The following SNTB1 variants were observed in gnomAD, a reference collection of about 807,000 sequenced individuals.
The protein encoded by SNTB1 is syntrophin beta 1, also known as beta-1-syntrophin.
Under a neutral mutation model 48.9 loss-of-function variants are expected in SNTB1, and 36 were observed. The ratio of observed to expected loss-of-function variants is 0.74; its 90% CI spans 0.56 to 0.97. The LOEUF (loss-of-function observed/expected upper bound fraction) is 0.97. SNTB1 is among the 50% of genes least tolerant of loss of function. The pLI, the probability that SNTB1 is intolerant of heterozygous loss-of-function variation, is 0.00. For missense variants in SNTB1, 786 were observed against 703.4 expected, an observed-to-expected ratio of 1.12 and a Z score of -1.33; for synonymous variants, 299 against 294.6, an observed-to-expected ratio of 1.01 and a Z score of -0.15.
At chr8:120,736,982 T>C (rs768580687) in intron 1 of SNTB1, among the ~76,000 whole-genome samples, 2 of 152,190 alleles carry the variant, frequency 1.3e-5, no homozygotes, top group Non-Finnish European at 2.9e-5. Flanking sequence ...GTTTGTAACA[T>C]GGAATTTAAA....
Position 120,632,599 on chromosome 8 carries a change from T to C in SNTB1, c.841A>G (p.Lys281Glu), listed in dbSNP as rs1435308205. The stretch of plus-strand genomic sequence containing the variant: ...CATGCCTGGGCCGTGGCTGAGTCCT[T>C]GCTCCTTAGGATCACCGTGTGCTTA... Reference protein sequence around the residue: ...DAKHTVILRSKDSATAQAWFS... With the variant: ...DAKHTVILRSEDSATAQAWFS... Residue 281 changes from lysine to glutamate, a missense_variant, in exon 3 of 7, where the codon AAG becomes GAG. Coordinates refer to ENST00000517992, the MANE Select transcript of SNTB1 (RefSeq NM_021021.4). 13 of 1,614,056 alleles carry C rather than the reference T, an allele frequency of 8.1e-6. No homozygotes were observed. Among genetic ancestry groups the C allele is most frequent in the African/African-American group, 2.7e-5 (2 of 74,924 alleles).
chr8:120,636,237 T>C (rs1041235963), intron 2 of SNTB1, among the ~76,000 whole-genome samples: 7 of 152,106 alleles, frequency 4.6e-5, no homozygotes, highest in South Asian at 2.1e-4. Context: ...TCTTCTTCTT[T>C]TTTTTTATTT....
chr8:120,695,726 T>G (rs1818201073), intron 1 of SNTB1, among the ~76,000 whole-genome samples: 1 of 152,174 alleles, frequency 6.6e-6, no homozygotes, highest in South Asian at 2.1e-4. Flanking sequence ...GGACCTTTAT[T>G]GAGGGACTCA....
chr8:120,645,242 C>T (rs1052381900), intron 2 of SNTB1, among the ~76,000 whole-genome samples: 7 of 152,210 alleles, frequency 4.6e-5, no homozygotes, highest in East Asian at 3.9e-4. Context: ...CTTGCCCATG[C>T]CTATGTCCTG....
At position 120,536,802 on chromosome 8, in the gene SNTB1, T is replaced by C. The variant is rs1815210355; in HGVS notation, c.*2075A>G. The C allele has an allele frequency of 6.6e-6, 1 of 152,114 alleles. No homozygotes were observed. Among genetic ancestry groups the C allele is most frequent in the Non-Finnish European group, 1.5e-5 (1 of 67,992 alleles). The allele number at this position is 152,114 out of a possible 1,614,324, so 9.4% of individuals were successfully genotyped here. On this transcript the variant is annotated 3_prime_UTR_variant, in exon 7 of 7. Coordinates refer to ENST00000517992, the MANE Select transcript of SNTB1 (RefSeq NM_021021.4). ...AATCATATTTGTAATTATGATCATT[T>C]TAATTTGTCTATAAATATATAATAG...
At chr8:120,676,922 T>C (rs7842679) in intron 2 of SNTB1, among the ~76,000 whole-genome samples, 67,666 of 151,708 alleles carry the variant, frequency 0.45, 15,277 homozygotes, top group African/African-American at 0.5. Flanking sequence ...TAGCTGGGCA[T>C]GGTGGGTTTT....
At chr8:120,569,763 A>C (rs1350683215) in intron 4 of SNTB1, among the ~76,000 whole-genome samples, 1 of 152,250 alleles carries the variant, frequency 6.6e-6, no homozygotes, top group Non-Finnish European at 1.5e-5. Context: ...CACTAGCCAC[A>C]GGTGGCTATT....
intron 1 of SNTB1, among the ~76,000 whole-genome samples, chr8:120,711,864 A>G: frequency 6.6e-6 from 1 of 152,200 alleles, no homozygotes; most frequent in Non-Finnish European, 1.5e-5. Flanking sequence ...TATAAAAAAG[A>G]AAACATTCAT....
At chr8:120,662,451 T>A (rs1483453925) in intron 2 of SNTB1, among the ~76,000 whole-genome samples, 1 of 152,210 alleles carries the variant, frequency 6.6e-6, no homozygotes, top group East Asian at 1.9e-4. Context: ...TCCTGTTTTT[T>A]AAGATAATGT....
chr8:120,652,543 C>A (rs1251891618), intron 2 of SNTB1, among the ~76,000 whole-genome samples: 1 of 150,748 alleles, frequency 6.6e-6, no homozygotes, highest in Non-Finnish European at 1.5e-5. Flanking sequence ...TTTTCTTAAG[C>A]CAGTTCAAAT....
At chr8:120,657,661 C>T (rs950286597) in intron 2 of SNTB1, among the ~76,000 whole-genome samples, 11 of 152,310 alleles carry the variant, frequency 7.2e-5, no homozygotes, top group Middle Eastern at 6.8e-3. Flanking sequence ...CTTTCAAGTA[C>T]AATCTCTCAT....
At chr8:120,787,354 C>G (rs559192160) in intron 1 of SNTB1, among the ~76,000 whole-genome samples, 2 of 152,032 alleles carry the variant, frequency 1.3e-5, no homozygotes, top group Non-Finnish European at 2.9e-5. Flanking sequence ...TATACTAACT[C>G]TACAGCAGTG....
Position 120,632,465 on chromosome 8 carries a change from A to T in SNTB1, c.975T>A (p.His325Gln). 5 of 1,614,094 alleles carry T rather than the reference A, an allele frequency of 3.1e-6. No homozygotes were observed. Among genetic ancestry groups the T allele is most frequent in the Non-Finnish European group, 4.2e-6 (5 of 1,180,022 alleles). The change falls in exon 3 of 7, where the codon CAT (histidine) becomes CAA (glutamine). Residue 325 changes from histidine (H) to glutamine (Q), a missense_variant. His to Gln is a conservative substitution (Grantham distance 24, BLOSUM62 0). Coordinates refer to ENST00000517992, the MANE Select transcript of SNTB1 (RefSeq NM_021021.4). Reference sequence around the variant, plus strand: ...TTACCTTTTCTGCAAGCCAGCCAAGATGCCTAATCTCTCGGCTCCCAGCAA... The same window carrying T: ...TTACCTTTTCTGCAAGCCAGCCAAGTTGCCTAATCTCTCGGCTCCCAGCAA... ...TGIAGSREIR[H>Q]LGWLAEKVPG... is the part of the protein sequence containing the mutation.
intron 2 of SNTB1, among the ~76,000 whole-genome samples, chr8:120,639,673 A>T (rs1817152893): frequency 6.6e-6 from 1 of 152,160 alleles, no homozygotes; most frequent in African/African-American, 2.4e-5. Context: ...AGGTTTGTCA[A>T]AGATCAGATG....
chr8:120,769,004 C>T (rs2130091555), intron 1 of SNTB1: 1 of 152,414 alleles, frequency 6.6e-6, no homozygotes, highest in South Asian at 2.1e-4. Context: ...GAACGACAGA[C>T]TCCCAGCCTC....
chr8:120,646,481 A>G (rs1817299576), intron 2 of SNTB1, among the ~76,000 whole-genome samples: 1 of 148,718 alleles, frequency 6.7e-6, no homozygotes, highest in Non-Finnish European at 1.5e-5. Flanking sequence ...TGATTTGCAT[A>G]TATTGAACCA....
chr8:120,692,382 G>A (rs1483363886), intron 2 of SNTB1, among the ~76,000 whole-genome samples: 2 of 152,126 alleles, frequency 1.3e-5, no homozygotes, highest in African/African-American at 4.8e-5. Context: ...TTCTAAATAA[G>A]GGCCAGTCGA....
intron 1 of SNTB1, among the ~76,000 whole-genome samples, chr8:120,713,719 G>A (rs1267527748): frequency 6.6e-6 from 1 of 152,178 alleles, no homozygotes; most frequent in Non-Finnish European, 1.5e-5. Flanking sequence ...AACAGAGAGA[G>A]ACTCCATCTC....
intron 1 of SNTB1, among the ~76,000 whole-genome samples, chr8:120,695,749 A>G (rs1466726217): frequency 6.6e-6 from 1 of 152,178 alleles, no homozygotes; most frequent in African/African-American, 2.4e-5. Context: ...CATATCAAAA[A>G]TAGCCATATT....
Sources: allele counts gnomAD v4.1 joint callset (sites outside exome capture counted in the v4.1 genomes callset), GRCh38; gene constraint gnomAD v4.1.1; transcripts MANE v1.5; gene names NCBI Gene and HGNC (gene_info 2026-07-23, HGNC 2026-07-21).